The following CTNNAL1 variants were observed in gnomAD, a reference collection of about 807,000 sequenced individuals.
CTNNAL1 encodes alpha-catulin.
CTNNAL1 carries 69 observed loss-of-function variants against 93.6 expected under a neutral mutation model. The ratio of observed to expected loss-of-function variants is 0.74; its 90% CI spans 0.61 to 0.90. The LOEUF (loss-of-function observed/expected upper bound fraction) is 0.90, where lower values mean the gene tolerates loss of function less well. CTNNAL1 is among the 40% of genes least tolerant of loss of function. The pLI is 0.00. For missense variants in CTNNAL1, 836 were observed against 862.0 expected, an observed-to-expected ratio of 0.97 and a Z score of 0.38; for synonymous variants, 286 against 305.4, an observed-to-expected ratio of 0.94 and a Z score of 0.66.
At chr9:108,980,854 C>T (rs937935115) in intron 6 of CTNNAL1, among the ~76,000 whole-genome samples, 1 of 151,998 alleles carries the variant, frequency 6.6e-6, no homozygotes, top group East Asian at 1.9e-4. Flanking sequence ...TGTTTTTAGA[C>T]AGCAACTTAG....
intron 11 of CTNNAL1, among the ~76,000 whole-genome samples, chr9:108,956,732 G>C (rs1264843794): frequency 1.3e-5 from 2 of 152,132 alleles, no homozygotes; most frequent in Non-Finnish European, 2.9e-5. Context: ...GGGCAAACCT[G>C]TTTGTCTCAG....
At chr9:108,965,285 A>G (rs1587956741) in intron 11 of CTNNAL1, 93 bp downstream of exon 11, 3 of 1,075,210 alleles carry the variant, frequency 2.8e-6, no homozygotes, top group Non-Finnish European at 2.5e-6. Context: ...GGGTTACGAC[A>G]AGAATTCATT....
intron 12 of CTNNAL1, among the ~76,000 whole-genome samples, chr9:108,953,890 C>T (rs1830628424): frequency 6.6e-6 from 1 of 152,144 alleles, no homozygotes; most frequent in African/African-American, 2.4e-5. Context: ...TCTCTGGCTC[C>T]TCCTTGAATG....
At position 108,946,071 on chromosome 9, in the gene CTNNAL1, C is replaced by T. The variant is rs570790656; in HGVS notation, c.1885-2053G>A. Among the ~76,000 whole-genome samples, 135 of 152,092 alleles carry T rather than the reference C, an allele frequency of 8.9e-4. 1 individual carries two copies. Among genetic ancestry groups the T allele is most frequent in the African/African-American group, 3.0e-3 (124 of 41,488 alleles). Reference sequence around the variant, plus strand: ...ATCCCAGCACTTTGGGAGGCTGAGGCGGGCGAATCACAAGGTCAAGAGATC... The same window carrying T: ...ATCCCAGCACTTTGGGAGGCTGAGGTGGGCGAATCACAAGGTCAAGAGATC... On this transcript the variant is annotated intron_variant, in intron 15 of 18. Coordinates refer to ENST00000325551, the MANE Select transcript of CTNNAL1 (RefSeq NM_003798.4).
chr9:108,965,605 T>A (rs574989621), intron 10 of CTNNAL1, 77 bp from the exon 11 acceptor site: 242 of 748,164 alleles, frequency 3.2e-4, no homozygotes, highest in Non-Finnish European at 4.4e-4. Context: ...CAAAGGTAAG[T>A]AAGTCTGCTG....
chr9:108,982,745 CA>C (rs2132152973), intron 6 of CTNNAL1, among the ~76,000 whole-genome samples: 1 of 152,254 alleles, frequency 6.6e-6, no homozygotes, highest in East Asian at 1.9e-4. Context: ...AAACATTACA[CA>C]AAAATATGGA....
Position 108,948,246 on chromosome 9 carries a change from T to G in CTNNAL1, c.1836-12A>C. On this transcript the variant is annotated splice_polypyrimidine_tract_variant and intron_variant, in intron 14 of 18. Transcript: ENST00000325551. ...GTGGCCCCTCTCCTCTAAAATAAAA[T>G]TAATTGTTAAGAAGGTAACAAAAAG... 1.2e-6 allele frequency: 2 copies of G among 1,609,352 alleles called. No homozygotes were observed. Among genetic ancestry groups the G allele is most frequent in the Non-Finnish European group, 8.5e-7 (1 of 1,178,804 alleles).
chr9:108,976,385 C>T (rs1206384046), intron 8 of CTNNAL1, among the ~76,000 whole-genome samples: 1 of 152,054 alleles, frequency 6.6e-6, no homozygotes, highest in African/African-American at 2.4e-5. Flanking sequence ...TTCCAAAATT[C>T]ATTTATCAAT....
Position 109,006,279 on chromosome 9 carries a change from C to T in CTNNAL1, c.141+7023G>A, listed in dbSNP as rs117829725. ...TAACATTTGTTAAGCACAACAGTAC[C>T]AGGCACTAGCCTATGTGTTTTACAT... On this transcript the variant is annotated intron_variant, in intron 1 of 18. Transcript: ENST00000325551. Among the ~76,000 whole-genome samples the T allele has an allele frequency of 3.7e-4, 56 of 152,266 alleles. No individual in the cohort carries two copies. In the East Asian group the frequency reaches 7.1e-3, roughly 19 times the overall value.
In CTNNAL1 at chr9:108,992,755, G is replaced by C; in HGVS notation, c.396C>G (p.Ile132Met). The C allele has an allele frequency of 3.1e-6, 5 of 1,613,922 alleles. No individual in the cohort carries two copies. Among genetic ancestry groups the C allele is most frequent in the Non-Finnish European group, 4.2e-6 (5 of 1,179,926 alleles). The stretch of plus-strand genomic sequence containing the variant: ...CTCCTGTTTTGTCTGTAAAAATTGT[G>C]ATCTGCCCATCAGATTCCAGATGGT... ...NLNHLESDGQ[I>M]TIFTDKTGVI... The change falls in exon 3 of 19, where the codon ATC becomes ATG. Residue 132 changes from isoleucine (I) to methionine (M), a missense_variant. Physicochemically the swap from Ile to Met is conservative, Grantham distance 10. Transcript: ENST00000325551.
chr9:108,994,437 C>T (rs555919314), intron 2 of CTNNAL1, among the ~76,000 whole-genome samples: 19 of 151,924 alleles, frequency 1.3e-4, no homozygotes, highest in Admixed American at 3.9e-4. Flanking sequence ...AAGGAAAGAA[C>T]GAGTAAAAAA....
chr9:108,953,081 T>G (rs954684704), intron 12 of CTNNAL1, among the ~76,000 whole-genome samples: 2 of 152,246 alleles, frequency 1.3e-5, no homozygotes, highest in African/African-American at 4.8e-5. Context: ...ATTCTGAATT[T>G]AATATGTGAA....
intron 1 of CTNNAL1, among the ~76,000 whole-genome samples, chr9:109,005,827 A>G (rs1564153465): frequency 6.6e-6 from 1 of 152,248 alleles, no homozygotes; most frequent in Non-Finnish European, 1.5e-5. Flanking sequence ...GTTCCGTTCC[A>G]AAAGACACAT....
intron 1 of CTNNAL1, among the ~76,000 whole-genome samples, chr9:109,006,116 C>T (rs975283004): frequency 1.1e-4 from 16 of 151,986 alleles, no homozygotes; most frequent in African/African-American, 3.9e-4. Context: ...TAAAAATTAC[C>T]CATAATCCTA....
chr9:108,990,772 C>A lies in CTNNAL1; in HGVS notation c.593G>T (p.Gly198Val). 1 of 1,613,646 alleles carries A rather than the reference C, an allele frequency of 6.2e-7. No homozygotes were observed. Among genetic ancestry groups the A allele is most frequent in the Non-Finnish European group, 8.5e-7 (1 of 1,179,878 alleles). ...ATGTGCAAACTCCACCATTTCATTT[C>A]CAAATTGACTGAATATTTGGACAAA... ...QEFVQIFSQF[G>V]NEMVEFAHLS... The change falls in exon 4 of 19, where the codon GGA becomes GTA. Residue 198 changes from glycine (G) to valine (V), a missense_variant. Physicochemically the swap from Gly to Val is moderately radical, Grantham distance 109. Coordinates refer to ENST00000325551, the MANE Select transcript of CTNNAL1 (RefSeq NM_003798.4).
intron 17 of CTNNAL1, 113 bp downstream of exon 17, chr9:108,943,590 T>C: frequency 1.3e-6 from 1 of 783,214 alleles, no homozygotes; most frequent in South Asian, 2.0e-5. Context: ...AGACAAGGCA[T>C]GAAAAAAGGA....
intron 8 of CTNNAL1, among the ~76,000 whole-genome samples, chr9:108,975,039 T>C (rs1831224625): frequency 1.3e-5 from 2 of 152,040 alleles, no homozygotes; most frequent in African/African-American, 4.8e-5. Flanking sequence ...GGCGTGCATC[T>C]GTAATCCCAG....
At chr9:108,980,665 A>G (rs1441216769) in intron 6 of CTNNAL1, among the ~76,000 whole-genome samples, 1 of 152,204 alleles carries the variant, frequency 6.6e-6, no homozygotes, top group Admixed American at 6.5e-5. Flanking sequence ...AAGAATACAG[A>G]TAATAGTAAG....
intron 3 of CTNNAL1, 64 bp from the exon 4 acceptor site, chr9:108,990,909 C>A: frequency 1.3e-6 from 2 of 1,530,484 alleles, no homozygotes; most frequent in Non-Finnish European, 8.8e-7. Flanking sequence ...ATTGTCAAGG[C>A]TGAGTAGAGA....
Sources: gnomAD v4.1 joint callset for allele counts (sites outside exome capture counted in the v4.1 genomes callset) on GRCh38, gnomAD v4.1.1 for gene constraint, MANE v1.5 for transcripts, NCBI Gene and HGNC (gene_info 2026-07-23, HGNC 2026-07-21) for gene names.